The following CDC6 variants were observed in gnomAD, a reference collection of about 807,000 sequenced individuals.
The protein encoded by CDC6 is cell division cycle 6.
In CDC6, 46 loss-of-function variants were observed where a neutral mutation model predicts 60.2. The ratio of observed to expected loss-of-function variants is 0.76; its 90% confidence interval spans 0.60 to 0.98. The LOEUF (loss-of-function observed/expected upper bound fraction) is 0.98. Ranked by LOEUF, CDC6 falls within the 50% of genes least tolerant of loss-of-function variation. The pLI, the probability that CDC6 is intolerant of heterozygous loss-of-function variation, is 0.00. For missense variants in CDC6, 596 were observed against 652.9 expected (o/e 0.91, Z 0.95); for synonymous variants, 210 against 233.2 (o/e 0.90, Z 0.90).
chr17:40,300,443 G>A (rs867903159), intron 9 of CDC6, among the ~76,000 whole-genome samples: 12 of 152,108 alleles, frequency 7.9e-5, no homozygotes, highest in African/African-American at 2.9e-4. Flanking sequence ...GCTGCAGTGA[G>A]CCATGATAGT....
At chr17:40,297,685 T>C (rs2032877403) in intron 9 of CDC6, among the ~76,000 whole-genome samples, 1 of 152,100 alleles carries the variant, frequency 6.6e-6, no homozygotes, top group Non-Finnish European at 1.5e-5. Flanking sequence ...GGAGAATCAC[T>C]TGAGCTGGAG....
At chr17:40,298,784 A>G (rs962492096) in intron 9 of CDC6, among the ~76,000 whole-genome samples, 14 of 152,144 alleles carry the variant, frequency 9.2e-5, no homozygotes, top group Non-Finnish European at 1.6e-4. Context: ...TAATAACTAG[A>G]ACTAACTGGG....
intron 9 of CDC6, among the ~76,000 whole-genome samples, chr17:40,297,823 T>G (rs932984538): frequency 1.3e-5 from 2 of 152,202 alleles, no homozygotes; most frequent in Non-Finnish European, 2.9e-5. Context: ...CTCAAGCTTT[T>G]AAACAAGTCT....
rs1211076517 is a variant in CDC6 at position 40,302,953 on chromosome 17, G to T, written c.*952G>T. The T allele has an allele frequency of 2.6e-5, 4 of 152,182 alleles. No individual in the cohort carries two copies. The highest frequency in any genetic ancestry group is 5.9e-5 in the Non-Finnish European group (4 of 68,022). 9.4% of individuals were successfully genotyped at this position (152,182 alleles called of 1,614,324 possible). A position where few individuals can be genotyped will look rare whatever the true frequency, so the allele number is the denominator to read the frequency against. ...CTTTTTAAGCAATCAGATTTCAAGA[G>T]AGCTCAAGCTTTCAGAAGTCAATGT... On this transcript the variant is annotated 3_prime_UTR_variant, in exon 12 of 12. Coordinates refer to ENST00000209728, the MANE Select transcript of CDC6 (RefSeq NM_001254.4).
rs768004016 is a variant in CDC6 at position 40,291,314 on chromosome 17, A to G, written c.435A>G (p.Ala145=). 30 of 1,614,238 alleles carry G rather than the reference A, an allele frequency of 1.9e-5. No individual in the cohort carries two copies. Among genetic ancestry groups the G allele is most frequent in the East Asian group, 4.5e-5 (2 of 44,892 alleles). The change falls in exon 3 of 12, where the codon GCA becomes GCG. Residue 145 remains alanine, a synonymous_variant. Coordinates refer to ENST00000209728, the MANE Select transcript of CDC6 (RefSeq NM_001254.4). Reference sequence around the variant, plus strand: ...GATGTCCACTGAAGAAAGAATCTGCATGTGTGAGACTATTCAAGCAAGAAG... The same window carrying G: ...GATGTCCACTGAAGAAAGAATCTGCGTGTGTGAGACTATTCAAGCAAGAAG... The part of the protein sequence containing the change: ...EQRCPLKKES[A]CVRLFKQEGT...
chr17:40,291,526 C>T lies in CDC6; in HGVS notation c.518C>T (p.Pro173Leu). 6.2e-7 allele frequency: 1 copy of T among 1,614,216 alleles called. No individual in the cohort carries two copies. Among genetic ancestry groups the T allele is most frequent in the South Asian group, 1.1e-5 (1 of 91,086 alleles). ...AACACAGCTGTCCCAGATCGGCTGC[C>T]TGCCAGGGAAAGGGAGATGGATGTC... is the stretch of plus-strand genomic sequence containing the variant. ...VLNTAVPDRL[P>L]AREREMDVIR... The change falls in exon 4 of 12, where the codon CCT becomes CTT. Residue 173 changes from proline (P) to leucine (L), a missense_variant. Coordinates refer to ENST00000209728, the MANE Select transcript of CDC6 (RefSeq NM_001254.4).
intron 4 of CDC6, among the ~76,000 whole-genome samples, chr17:40,292,959 C>A (rs1346347613): frequency 6.6e-6 from 1 of 151,060 alleles, no homozygotes; most frequent in East Asian, 2.0e-4. Flanking sequence ...AAAGAGTAGG[C>A]CTGGTGCGGT....
chr17:40,294,194 A>G (rs1460929072), intron 6 of CDC6, 138 bp downstream of exon 6: 6 of 914,222 alleles, frequency 6.6e-6, no homozygotes, highest in Non-Finnish European at 1.1e-5. Flanking sequence ...GACTATGTAC[A>G]TCTTACCTAA....
chr17:40,293,442 AT>A lies in CDC6; in HGVS notation c.661-5del, dbSNP rs199551505. 61 of 1,583,044 alleles carry A rather than the reference AT, an allele frequency of 3.9e-5. No individual in the cohort carries two copies. Among genetic ancestry groups the A allele is most frequent in the South Asian group, 5.6e-5 (5 of 90,064 alleles). On this transcript the variant is annotated splice_polypyrimidine_tract_variant and intron_variant, in intron 4 of 11. Coordinates refer to ENST00000209728, the MANE Select transcript of CDC6 (RefSeq NM_001254.4). ...AGGCCAAAATAACTCCCATATTTGCATTTTTTTTTCCAGAAGGAACTGAAAG... is the reference window on the plus strand; with the variant it reads ...AGGCCAAAATAACTCCCATATTTGCATTTTTTTTCCAGAAGGAACTGAAAG...
intron 9 of CDC6, among the ~76,000 whole-genome samples, chr17:40,297,811 ATC>A (rs1166914080): frequency 1.3e-5 from 2 of 152,218 alleles, no homozygotes; most frequent in Non-Finnish European, 2.9e-5. Context: ...AACTTGGGAT[ATC>A]TCAAGCTTTT....
chr17:40,293,217 C>T (rs2032795377), intron 4 of CDC6, among the ~76,000 whole-genome samples: 3 of 150,630 alleles, frequency 2.0e-5, no homozygotes, highest in Admixed American at 2.0e-4. Flanking sequence ...TCAGCCTGGG[C>T]AACAGAGTGA....
chr17:40,291,764 G>A (rs2032766661), intron 4 of CDC6, 96 bp downstream of exon 4: 2 of 1,328,348 alleles, frequency 1.5e-6, no homozygotes, highest in Admixed American at 3.5e-5. Flanking sequence ...TTTGTTTTTT[G>A]AGACGGAGTC....
At chr17:40,301,807 G>A (rs1234645722) in intron 11 of CDC6, 105 bp from the exon 12 acceptor site, 4 of 944,748 alleles carry the variant, frequency 4.2e-6, no homozygotes, top group Non-Finnish European at 5.1e-6. Context: ...TGTTTAACTT[G>A]CTTGCCTTTT....
At position 40,301,968 on chromosome 17, in the gene CDC6, A is replaced by C. The variant is rs2032946605; in HGVS notation, c.1650A>C (p.Leu550Phe). 1 of 1,595,452 alleles carries C rather than the reference A, an allele frequency of 6.3e-7. No homozygotes were observed. The highest frequency in any genetic ancestry group is 1.3e-5 in the African/African-American group (1 of 74,560). ...EIEHALKDKA[L>F]IGNILATGLP is the part of the protein sequence containing the mutation. ...AACATGCTCTGAAAGATAAAGCTTT[A>C]ATTGGAAATATCTTAGCTACTGGAT... The change falls in exon 12 of 12, where the codon TTA becomes TTC. Residue 550 changes from leucine to phenylalanine, a missense_variant. By Grantham distance (22) the Leu-to-Phe change is conservative (BLOSUM62 0). Coordinates refer to ENST00000209728, the MANE Select transcript of CDC6 (RefSeq NM_001254.4).
chr17:40,289,700 C>CTTA, intron 2 of CDC6, 102 bp downstream of exon 2: 2 of 490,898 alleles, frequency 4.1e-6, no homozygotes, highest in Non-Finnish European at 7.3e-6. Context: ...TCAGTTAAGA[C>CTTA]TTCTTTTTTT....
chr17:40,302,992 T>G lies in CDC6; in HGVS notation c.*991T>G, dbSNP rs1222630151. On this transcript the variant is annotated 3_prime_UTR_variant, in exon 12 of 12. Transcript: ENST00000209728. ...AGAAGTCAATGTGAAAATTCCTTCC[T>G]AGGCTGTCCCACAGTCTTTGCTGCC... 6.6e-6 allele frequency: 1 copy of G among 152,234 alleles called. No individual in the cohort carries two copies. Among genetic ancestry groups the G allele is most frequent in the Non-Finnish European group, 1.5e-5 (1 of 68,024 alleles). The allele number at this position is 152,234 out of a possible 1,614,324, so 9.4% of individuals were successfully genotyped here. A position where few individuals can be genotyped will look rare whatever the true frequency, so the allele number is the denominator to read the frequency against.
rs1014781743 is a variant in CDC6, at chr17:40,302,995, G to A, written c.*994G>A. ...AGTCAATGTGAAAATTCCTTCCTAG[G>A]CTGTCCCACAGTCTTTGCTGCCCTT... On this transcript the variant is annotated 3_prime_UTR_variant, in exon 12 of 12. Transcript: ENST00000209728. The A allele has an allele frequency of 3.9e-5, 6 of 152,144 alleles. No individual in the cohort carries two copies. The highest frequency in any genetic ancestry group is 1.4e-4 in the African/African-American group (6 of 41,428). 9.4% of individuals were successfully genotyped at this position (152,144 alleles called of 1,614,324 possible).
At chr17:40,296,793 T>C (rs377003019) in intron 9 of CDC6, 26 bp downstream of exon 9, 1 of 1,457,828 alleles carries the variant, frequency 6.9e-7, no homozygotes. Context: ...CCTTCCTGTC[T>C]TCCTTTGTAA....
In CDC6 at chr17:40,290,295, C is replaced by G. The variant is rs188438344; in HGVS notation, c.178+697C>G. Among the ~76,000 whole-genome samples the G allele has an allele frequency of 2.4e-4, 37 of 152,254 alleles. No homozygotes were observed. The South Asian group carries it at 4.6e-3, about 19-fold the overall frequency. ...TTAGGACAGTGATTGGTAATTCTTT[C>G]TTGTTTTGGAACATTTATTTTTAAA... On this transcript the variant is annotated intron_variant, in intron 2 of 11. Transcript: ENST00000209728.
Sources: allele counts gnomAD v4.1 joint callset (sites outside exome capture counted in the v4.1 genomes callset), GRCh38; gene constraint gnomAD v4.1.1; transcripts MANE v1.5; gene names NCBI Gene and HGNC (gene_info 2026-07-23, HGNC 2026-07-21).